Variants in FRMD5 observed in about 807,000 individuals in gnomAD.
The protein encoded by FRMD5 is FERM domain containing 5, also known as FERM domain-containing protein 5.
A neutral mutation model predicts 69.0 loss-of-function variants in FRMD5; 20 were observed. The ratio of observed to expected loss-of-function variants is 0.29; its 90% CI spans 0.20 to 0.42. FRMD5 has a LOEUF of 0.42. FRMD5 is among the 10% of genes least tolerant of loss of function. The probability of loss-of-function intolerance (pLI) is 1.00; values close to 1 mark genes in which losing one functional copy is unlikely to be tolerated. For synonymous variants in FRMD5, 271 were observed against 260.1 expected, an observed-to-expected ratio of 1.04 and a Z score of -0.40; for missense variants, 595 against 708.6, an observed-to-expected ratio of 0.84 and a Z score of 1.82.
Position 43,873,018 on chromosome 15 carries a change from T to A in FRMD5, c.*867A>T, listed in dbSNP as rs577744953. On this transcript the variant is annotated 3_prime_UTR_variant, in exon 14 of 14. Transcript: ENST00000417257. The stretch of plus-strand genomic sequence containing the variant: ...TTGTCCAACATTTCTGACAGAACTA[T>A]CTATCTCTGGTACCACTGAATTCGT... 3.1e-6 allele frequency: 2 copies of A among 638,550 alleles called. No individual in the cohort carries two copies. Among genetic ancestry groups the A allele is most frequent in the Non-Finnish European group, 5.4e-6 (2 of 370,122 alleles). The allele number at this position is 638,550 out of a possible 1,614,324, so 39.6% of individuals were successfully genotyped here. A position where few individuals can be genotyped will look rare whatever the true frequency, so the allele number is the denominator to read the frequency against.
In FRMD5 at chr15:43,873,671, T is replaced by C; in HGVS notation, c.*214A>G. 3 of 1,502,452 alleles carry C rather than the reference T, an allele frequency of 2.0e-6. No individual in the cohort carries two copies. Among genetic ancestry groups the C allele is most frequent in the Non-Finnish European group, 1.8e-6 (2 of 1,135,796 alleles). The allele number at this position is 1,502,452 out of a possible 1,614,324, so 93.1% of individuals were successfully genotyped here. A position where few individuals can be genotyped will look rare whatever the true frequency, so the allele number is the denominator to read the frequency against. ...GCTGAGCCTTTCTTGAAATAACTTCTGAAGAAAATGAGTTTTCCCAGTTTG... is the reference window on the plus strand; with the variant it reads ...GCTGAGCCTTTCTTGAAATAACTTCCGAAGAAAATGAGTTTTCCCAGTTTG... On this transcript the variant is annotated 3_prime_UTR_variant, in exon 14 of 14. Transcript: ENST00000417257.
At chr15:43,993,434 C>T (rs1595598589) in intron 1 of FRMD5, among the ~76,000 whole-genome samples, 1 of 152,182 alleles carries the variant, frequency 6.6e-6, no homozygotes, top group African/African-American at 2.4e-5. Context: ...ACCTCGTGAT[C>T]CGCCCGCCTT....
chr15:43,928,082 T>C (rs2089615583), intron 1 of FRMD5, among the ~76,000 whole-genome samples: 2 of 152,172 alleles, frequency 1.3e-5, no homozygotes, highest in Admixed American at 6.5e-5. Flanking sequence ...AATAAGGATA[T>C]ATCCCACTAC....
At chr15:44,062,677 G>A (rs975481176) in intron 1 of FRMD5, among the ~76,000 whole-genome samples, 3 of 125,092 alleles carry the variant, frequency 2.4e-5, no homozygotes, top group African/African-American at 8.6e-5. Context: ...GCAACAGAGT[G>A]AGACTCTGTC....
intron 1 of FRMD5, among the ~76,000 whole-genome samples, chr15:43,996,003 G>A (rs939352478): frequency 1.6e-4 from 24 of 151,568 alleles, no homozygotes; most frequent in South Asian, 8.4e-4. Flanking sequence ...GTGGGGTCAC[G>A]AGGATCAGCC....
intron 1 of FRMD5, among the ~76,000 whole-genome samples, chr15:44,060,165 TAAGA>T (rs1467847097): frequency 1.3e-5 from 2 of 152,108 alleles, no homozygotes; most frequent in East Asian, 3.9e-4. Context: ...CACTGGCACA[TAAGA>T]AAGCCAGTTA....
At chr15:43,891,900 A>T in intron 8 of FRMD5, 81 bp downstream of exon 8, 1 of 1,177,214 alleles carries the variant, frequency 8.5e-7, no homozygotes, top group Non-Finnish European at 1.3e-6. Context: ...CTGCCCAATC[A>T]CAGACAAAGG....
chr15:43,946,999 G>T (rs1180069753), intron 1 of FRMD5, among the ~76,000 whole-genome samples: 1 of 152,214 alleles, frequency 6.6e-6, no homozygotes, highest in Non-Finnish European at 1.5e-5. Flanking sequence ...AGCTGGAAAA[G>T]TACAAGCTTT....
intron 1 of FRMD5, among the ~76,000 whole-genome samples, chr15:44,072,970 T>A (rs202028803): frequency 6.6e-6 from 1 of 152,068 alleles, no homozygotes; most frequent in African/African-American, 2.4e-5. Flanking sequence ...TCTCAATTTT[T>A]AAAAAATGTT....
chr15:43,946,972 C>T lies in FRMD5; in HGVS notation c.103-22663G>A, dbSNP rs138180759. ...CACCATTTCTAGCATTAAACTACTTCTCTCAGTTTACTCATAAGCTGGAAA... is the reference window on the plus strand; with the variant it reads ...CACCATTTCTAGCATTAAACTACTTTTCTCAGTTTACTCATAAGCTGGAAA... On this transcript the variant is annotated intron_variant, in intron 1 of 13. Coordinates refer to ENST00000417257, the MANE Select transcript of FRMD5 (RefSeq NM_032892.5). Among the ~76,000 whole-genome samples the T allele has an allele frequency of 4.7e-3, 715 of 152,330 alleles. 9 individuals carry two copies. The highest frequency in any genetic ancestry group is 0.016 in the African/African-American group (681 of 41,560).
chr15:44,020,014 T>C (rs1421606982), intron 1 of FRMD5, among the ~76,000 whole-genome samples: 2 of 152,080 alleles, frequency 1.3e-5, no homozygotes, highest in Non-Finnish European at 2.9e-5. Context: ...ATAAAATAAA[T>C]ATATGTTTTC....
At chr15:44,131,245 T>C (rs2077093101) in intron 1 of FRMD5, among the ~76,000 whole-genome samples, 1 of 151,810 alleles carries the variant, frequency 6.6e-6, no homozygotes, top group Admixed American at 6.6e-5. Flanking sequence ...AAAAATACAA[T>C]GAAATACTAC....
chr15:43,911,141 C>T (rs1251375991), intron 4 of FRMD5, among the ~76,000 whole-genome samples: 1 of 152,200 alleles, frequency 6.6e-6, no homozygotes, highest in Non-Finnish European at 1.5e-5. Context: ...TTGAGTGGGT[C>T]ACCTACCATG....
At chr15:44,045,559 G>A (rs879830816) in intron 1 of FRMD5, among the ~76,000 whole-genome samples, 6 of 152,122 alleles carry the variant, frequency 3.9e-5, no homozygotes, top group African/African-American at 9.7e-5. Context: ...GTATATGCAC[G>A]TATAAATTCA....
At chr15:44,163,725 A>G (rs1332025140) in intron 1 of FRMD5, among the ~76,000 whole-genome samples, 2 of 152,200 alleles carry the variant, frequency 1.3e-5, no homozygotes, top group African/African-American at 4.8e-5. Flanking sequence ...CTTAAAAGGG[A>G]ATAAAGTGAA....
At chr15:44,197,027 A>G (rs1016502026), upstream of FRMD5, among the ~76,000 whole-genome samples, 1 of 152,120 alleles carries the variant, frequency 6.6e-6, no homozygotes, top group Non-Finnish European at 1.5e-5. Context: ...TAGGTATTCA[A>G]TAAGTGTTGA....
In FRMD5 at chr15:44,086,676, C is replaced by T. The variant is rs564523495; in HGVS notation, c.102+108277G>A. On this transcript the variant is annotated intron_variant, in intron 1 of 13. Coordinates refer to ENST00000417257, the MANE Select transcript of FRMD5 (RefSeq NM_032892.5). ...ATGTACTTAATGCCACTGAATGATA[C>T]ACTAAAAATGGTTACATTGGTAAAT... 5.3e-5 allele frequency among the ~76,000 whole-genome samples: 8 copies of T among 152,206 alleles called. No individual in the cohort carries two copies. The South Asian group carries it at 1.0e-3, about 20-fold the overall frequency.
chr15:43,937,691 AAG>A (rs2089785314), intron 1 of FRMD5, among the ~76,000 whole-genome samples: 3 of 151,746 alleles, frequency 2.0e-5, no homozygotes. Flanking sequence ...ATCCATGGAA[AAG>A]AGGGGGAGAA....
intron 1 of FRMD5, among the ~76,000 whole-genome samples, chr15:43,951,262 T>C (rs2090022426): frequency 6.6e-6 from 1 of 150,472 alleles, no homozygotes; most frequent in African/African-American, 2.5e-5. Flanking sequence ...GTACTGAAAA[T>C]ACAAAAAAAA....
Sources: gnomAD v4.1 joint callset for allele counts (sites outside exome capture counted in the v4.1 genomes callset) on GRCh38, gnomAD v4.1.1 for gene constraint, MANE v1.5 for transcripts, NCBI Gene and HGNC (gene_info 2026-07-23, HGNC 2026-07-21) for gene names.